CADM2: variants seen among roughly 807,000 people sequenced by gnomAD.
CADM2 encodes immunoglobulin superfamily member 4D.
In CADM2, 12 loss-of-function variants were observed where a neutral mutation model predicts 49.8. That is an observed-to-expected ratio of 0.24 (90% CI 0.15 to 0.39). The LOEUF is 0.39. Ranked by LOEUF, CADM2 falls within the 10% of genes least tolerant of loss-of-function variation. The probability of loss-of-function intolerance (pLI) is 1.00; values close to 1 mark genes in which losing one functional copy is unlikely to be tolerated. For synonymous variants in CADM2, 214 were observed against 175.4 expected (o/e 1.22, Z -1.74); for missense variants, 378 against 492.3 (o/e 0.77, Z 2.20).
At chr3:85,203,715 C>G (rs1019576609) in intron 1 of CADM2, among the ~76,000 whole-genome samples, 1 of 152,162 alleles carries the variant, frequency 6.6e-6, no homozygotes, top group Non-Finnish European at 1.5e-5. Context: ...CAGAGTAAAG[C>G]AAAGTGCAGT....
At chr3:85,091,570 C>G (rs1343053118) in intron 1 of CADM2, among the ~76,000 whole-genome samples, 1 of 152,034 alleles carries the variant, frequency 6.6e-6, no homozygotes, top group Non-Finnish European at 1.5e-5. Context: ...AATATCAACT[C>G]TAAATTGCTT....
intron 1 of CADM2, among the ~76,000 whole-genome samples, chr3:85,139,576 T>A (rs2039515504): frequency 6.6e-6 from 1 of 152,148 alleles, no homozygotes; most frequent in Non-Finnish European, 1.5e-5. Flanking sequence ...TTTGCATGCA[T>A]ATAGAATTAT....
chr3:85,768,780 A>G (rs1416944563), intron 2 of CADM2, among the ~76,000 whole-genome samples: 6 of 129,382 alleles, frequency 4.6e-5, no homozygotes, highest in Admixed American at 8.7e-5. Context: ...ACATATATAC[A>G]TATATAGTAT....
chr3:85,855,493 T>G (rs941606474), intron 3 of CADM2, among the ~76,000 whole-genome samples: 6 of 151,208 alleles, frequency 4.0e-5, no homozygotes, highest in Admixed American at 4.0e-4. Context: ...GTGAGATTTA[T>G]TCAAGACGGT....
intron 3 of CADM2, among the ~76,000 whole-genome samples, chr3:85,865,535 G>A (rs766599720): frequency 7.2e-5 from 11 of 151,982 alleles, no homozygotes; most frequent in South Asian, 2.1e-4. Flanking sequence ...AATACGAAAC[G>A]GAATAAAAAC....
At chr3:85,913,955 T>C (rs575153070) in intron 6 of CADM2, among the ~76,000 whole-genome samples, 28 of 152,218 alleles carry the variant, frequency 1.8e-4, no homozygotes, top group African/African-American at 6.7e-4. Flanking sequence ...CCAGTGAGAC[T>C]GGAGTAGAGT....
chr3:85,501,645 A>G (rs1301634293), intron 1 of CADM2, among the ~76,000 whole-genome samples: 1 of 152,160 alleles, frequency 6.6e-6, no homozygotes, highest in African/African-American at 2.4e-5. Flanking sequence ...CATAATTTAT[A>G]CTTCAATATG....
intron 1 of CADM2, among the ~76,000 whole-genome samples, chr3:84,975,500 C>T (rs1044600007): frequency 1.3e-5 from 2 of 151,668 alleles, no homozygotes; most frequent in Non-Finnish European, 3.0e-5. Context: ...AATGAAAACC[C>T]GGATATAAAG....
chr3:85,005,608 A>G (rs1267999964), intron 1 of CADM2, among the ~76,000 whole-genome samples: 1 of 152,118 alleles, frequency 6.6e-6, no homozygotes. Context: ...ATGATGAGCC[A>G]TTAGCACTGT....
chr3:85,480,466 C>T (rs951858522), intron 1 of CADM2, among the ~76,000 whole-genome samples: 7 of 151,748 alleles, frequency 4.6e-5, no homozygotes, highest in Admixed American at 6.6e-5. Context: ...CTCATATTTG[C>T]GTGACTCAGG....
At chr3:85,632,197 T>C (rs895743756) in intron 1 of CADM2, among the ~76,000 whole-genome samples, 1 of 151,200 alleles carries the variant, frequency 6.6e-6, no homozygotes, top group Non-Finnish European at 1.5e-5. Flanking sequence ...CTAATGGTTT[T>C]AAAAATGAGA....
intron 2 of CADM2, among the ~76,000 whole-genome samples, chr3:85,791,998 C>T (rs2071366138): frequency 6.6e-6 from 1 of 152,192 alleles, no homozygotes; most frequent in Non-Finnish European, 1.5e-5. Flanking sequence ...GCTGGGATTA[C>T]AGGCATAAGC....
chr3:86,052,792 T>C (rs886178808), intron 8 of CADM2, among the ~76,000 whole-genome samples: 1 of 152,138 alleles, frequency 6.6e-6, no homozygotes, highest in Non-Finnish European at 1.5e-5. Flanking sequence ...ATTTTCTGTA[T>C]GCTTAAATAG....
chr3:85,308,808 G>T (rs2044276429), intron 1 of CADM2, among the ~76,000 whole-genome samples: 1 of 152,000 alleles, frequency 6.6e-6, no homozygotes, highest in Non-Finnish European at 1.5e-5. Flanking sequence ...CAGATCATTT[G>T]TACACATATT....
intron 1 of CADM2, among the ~76,000 whole-genome samples, chr3:85,235,080 T>G (rs1576180488): frequency 1.3e-5 from 2 of 152,048 alleles, no homozygotes; most frequent in East Asian, 3.9e-4. Flanking sequence ...CTCTGACTCT[T>G]CCTCTGTCAT....
At chr3:85,007,271 G>T (rs1312195735) in intron 1 of CADM2, among the ~76,000 whole-genome samples, 1 of 152,072 alleles carries the variant, frequency 6.6e-6, no homozygotes, top group Non-Finnish European at 1.5e-5. Flanking sequence ...AGAATTTACA[G>T]TCTAGTGTGA....
At chr3:85,312,482 C>G (rs2107057180) in intron 1 of CADM2, among the ~76,000 whole-genome samples, 1 of 151,822 alleles carries the variant, frequency 6.6e-6, no homozygotes, top group South Asian at 2.1e-4. Context: ...TATATGTGAG[C>G]ATGATGCGGC....
At chr3:85,877,430 C>G (rs1230190650) in intron 3 of CADM2, among the ~76,000 whole-genome samples, 1 of 151,928 alleles carries the variant, frequency 6.6e-6, no homozygotes, top group Non-Finnish European at 1.5e-5. Context: ...TATTACAATT[C>G]TTTATTTAGG....
intron 1 of CADM2, among the ~76,000 whole-genome samples, chr3:85,413,408 A>C (rs2035766778): frequency 6.6e-6 from 1 of 152,086 alleles, no homozygotes; most frequent in African/African-American, 2.4e-5. Flanking sequence ...TGATGCATAC[A>C]TGTTGATATA....
Sources: allele counts gnomAD v4.1 joint callset (sites outside exome capture counted in the v4.1 genomes callset), GRCh38; gene constraint gnomAD v4.1.1; transcripts MANE v1.5; gene names NCBI Gene and HGNC (gene_info 2026-07-23, HGNC 2026-07-21).